Variants in GPR39 observed in about 807,000 individuals in gnomAD.
GPR39 encodes G protein-coupled receptor 39.
A neutral mutation model predicts 18.4 loss-of-function variants in GPR39; 23 were observed. That is an observed-to-expected ratio of 1.25 (90% CI 0.90 to 1.77). GPR39 has a LOEUF of 1.77. Among genes scored for constraint, GPR39 ranks in the 40% most tolerant of loss-of-function variants. The pLI is 0.00. For synonymous variants in GPR39, 280 were observed against 257.9 expected, an observed-to-expected ratio of 1.09 and a Z score of -0.82; for missense variants, 647 against 602.4, an observed-to-expected ratio of 1.07 and a Z score of -0.78.
chr2:132,585,179 C>A (rs1239200480), intron 1 of GPR39, among the ~76,000 whole-genome samples: 1 of 152,180 alleles, frequency 6.6e-6, no homozygotes, highest in Non-Finnish European at 1.5e-5. Flanking sequence ...ACAATCCCTA[C>A]TGCACCCGCC....
intron 1 of GPR39, among the ~76,000 whole-genome samples, chr2:132,585,917 C>T (rs1186669712): frequency 6.9e-6 from 1 of 144,158 alleles, no homozygotes; most frequent in African/African-American, 2.6e-5. Flanking sequence ...GAAATCAACA[C>T]CCAGTGATCG....
chr2:132,463,227 G>A (rs574894873), intron 1 of GPR39, among the ~76,000 whole-genome samples: 1 of 152,254 alleles, frequency 6.6e-6, no homozygotes, highest in East Asian at 1.9e-4. Context: ...AGAGTGCTCT[G>A]AAGGAAGAAA....
chr2:132,638,993 T>A, intron 1 of GPR39, among the ~76,000 whole-genome samples: 1 of 152,138 alleles, frequency 6.6e-6, no homozygotes, highest in Non-Finnish European at 1.5e-5. Context: ...TCTCTGCTGG[T>A]GCTGCCCTTT....
Position 132,645,457 on chromosome 2 carries a change from ACTGAGAAGATTTTCTTAAGCACT to A in GPR39, c.1214_1236del (p.Thr405IlefsTer10). On this transcript the variant is annotated frameshift_variant, in exon 2 of 2. Coordinates refer to ENST00000329321, the MANE Select transcript of GPR39 (RefSeq NM_001508.3). LOFTEE classifies it low-confidence loss of function (END_TRUNC). ...CCGGCGCCAGTCCTCTGCAAGGAGAACTGAGAAGATTTTCTTAAGCACTTTTCAGAGCGAGGCCGAGCCCCAGT... is the reference window on the plus strand; with the variant it reads ...CCGGCGCCAGTCCTCTGCAAGGAGAATTTCAGAGCGAGGCCGAGCCCCAGT... 2 of 1,613,886 alleles carry A rather than the reference ACTGAGAAGATTTTCTTAAGCACT, an allele frequency of 1.2e-6. No homozygotes were observed. Among genetic ancestry groups the A allele is most frequent in the South Asian group, 2.2e-5 (2 of 91,082 alleles).
chr2:132,506,402 T>C (rs935744821), intron 1 of GPR39, among the ~76,000 whole-genome samples: 3 of 152,206 alleles, frequency 2.0e-5, no homozygotes, highest in African/African-American at 7.2e-5. Context: ...CTTTTTAATC[T>C]AATATGCTCC....
chr2:132,497,271 G>T (rs1412978652), intron 1 of GPR39, among the ~76,000 whole-genome samples: 1 of 152,126 alleles, frequency 6.6e-6, no homozygotes, highest in Non-Finnish European at 1.5e-5. Context: ...CGGGAAAATT[G>T]TCTTGATTTT....
At chr2:132,569,472 C>G (rs1680405671) in intron 1 of GPR39, among the ~76,000 whole-genome samples, 1 of 152,030 alleles carries the variant, frequency 6.6e-6, no homozygotes, top group Non-Finnish European at 1.5e-5. Flanking sequence ...AGCGGGACCA[C>G]ACCTCCCTTA....
intron 1 of GPR39, among the ~76,000 whole-genome samples, chr2:132,453,322 G>C (rs755021544): frequency 4.6e-5 from 7 of 152,208 alleles, no homozygotes; most frequent in Non-Finnish European, 7.4e-5. Context: ...AATTTTGTTG[G>C]GGTTGTTTGT....
Position 132,645,613 on chromosome 2 carries a change from A to C in GPR39, c.*7A>C. The C allele has an allele frequency of 6.2e-7, 1 of 1,605,844 alleles. No homozygotes were observed. The highest frequency in any genetic ancestry group is 1.1e-5 in the South Asian group (1 of 89,930). On this transcript the variant is annotated 3_prime_UTR_variant, in exon 2 of 2. Transcript: ENST00000329321. Reference sequence around the variant, plus strand: ...TCAGGAGCATGAAGTTTGAATGTCAAGCGAGGGAGCCTTGAGTGGGAACTG... The same window carrying C: ...TCAGGAGCATGAAGTTTGAATGTCACGCGAGGGAGCCTTGAGTGGGAACTG...
intron 1 of GPR39, among the ~76,000 whole-genome samples, chr2:132,492,989 C>T (rs1486639201): frequency 7.2e-6 from 1 of 138,550 alleles, no homozygotes; most frequent in African/African-American, 2.8e-5. Flanking sequence ...CATATATACA[C>T]CATAGATATA....
chr2:132,508,886 GGACTAGGA>G lies in GPR39; in HGVS notation c.856+90993_856+91000del, dbSNP rs1679183907. 2.6e-5 allele frequency among the ~76,000 whole-genome samples: 4 copies of G among 152,234 alleles called. 1 individual carries two copies. In the South Asian group the frequency reaches 8.3e-4, roughly 32 times the overall value. On this transcript the variant is annotated intron_variant, in intron 1 of 1. Coordinates refer to ENST00000329321, the MANE Select transcript of GPR39 (RefSeq NM_001508.3). ...AGTTGTCCACCAGTCCATACCTGTT[GGACTAGGA>G]GACTCAGAACTTCTAGGGTACAGAA...
chr2:132,539,253 G>T (rs555859397), intron 1 of GPR39, among the ~76,000 whole-genome samples: 1 of 152,260 alleles, frequency 6.6e-6, no homozygotes, highest in African/African-American at 2.4e-5. Flanking sequence ...ATAGTACCCG[G>T]GTAGGTGGGA....
chr2:132,459,564 A>T (rs955680653), intron 1 of GPR39, among the ~76,000 whole-genome samples: 4 of 152,154 alleles, frequency 2.6e-5, no homozygotes, highest in Admixed American at 2.0e-4. Context: ...TTGTCTAAAT[A>T]ATAGGGCATT....
intron 1 of GPR39, among the ~76,000 whole-genome samples, chr2:132,534,330 C>G (rs1573652062): frequency 6.6e-6 from 1 of 150,478 alleles, no homozygotes; most frequent in African/African-American, 2.4e-5. Flanking sequence ...ATTAAAAAGT[C>G]AGGAAACAAC....
chr2:132,447,676 T>C (rs898072497), intron 1 of GPR39, among the ~76,000 whole-genome samples: 1 of 152,228 alleles, frequency 6.6e-6, no homozygotes, highest in African/African-American at 2.4e-5. Context: ...AAATATTTGT[T>C]TTTTAGCAAA....
At chr2:132,605,625 A>G (rs999532320) in intron 1 of GPR39, among the ~76,000 whole-genome samples, 2 of 152,124 alleles carry the variant, frequency 1.3e-5, no homozygotes, top group Non-Finnish European at 2.9e-5. Context: ...TCCCTCTGTT[A>G]TGCGTGGTTT....
At chr2:132,496,007 G>C (rs1452614016) in intron 1 of GPR39, among the ~76,000 whole-genome samples, 1 of 152,042 alleles carries the variant, frequency 6.6e-6, no homozygotes, top group East Asian at 1.9e-4. Context: ...TTTTTTCAAG[G>C]CTTCTCTTAA....
intron 1 of GPR39, among the ~76,000 whole-genome samples, chr2:132,494,044 G>A (rs1681590042): frequency 6.6e-6 from 1 of 152,142 alleles, no homozygotes; most frequent in Admixed American, 6.5e-5. Context: ...GAGGAGAGCA[G>A]AAGGCAGGTT....
At chr2:132,558,163 A>G (rs1176615610) in intron 1 of GPR39, among the ~76,000 whole-genome samples, 1 of 152,068 alleles carries the variant, frequency 6.6e-6, no homozygotes, top group African/African-American at 2.4e-5. Flanking sequence ...TGACCCCTAC[A>G]GAAGCGTCAT....
Sources: gnomAD v4.1 joint callset for allele counts (sites outside exome capture counted in the v4.1 genomes callset) on GRCh38, gnomAD v4.1.1 for gene constraint, MANE v1.5 for transcripts, NCBI Gene and HGNC (gene_info 2026-07-23, HGNC 2026-07-21) for gene names.